Variants in ABTB3 observed in about 807,000 individuals in gnomAD.
The protein encoded by ABTB3 is ankyrin repeat and BTB domain containing 3.
At chr12:107,338,440 T>C in the ABTB3 span, among the ~76,000 whole-genome samples, 1 of 152,190 alleles carries the variant, frequency 6.6e-6, no homozygotes, top group African/African-American at 2.4e-5. Context: ...GGGTGAAGTA[T>C]CTTGCCCTAT....
chr12:107,626,431 C>T, the ABTB3 span, among the ~76,000 whole-genome samples: 6 of 150,494 alleles, frequency 4.0e-5, no homozygotes, highest in African/African-American at 1.5e-4. Flanking sequence ...CTGCAAGCTC[C>T]ACCTCCCAGG....
the ABTB3 span, chr12:107,486,763 ATGT>A: frequency 6.6e-6 from 1 of 150,814 alleles, no homozygotes; most frequent in Admixed American, 6.6e-5. Flanking sequence ...AAAATCACTG[ATGT>A]TCATAGAATA....
chr12:107,646,091 G>C, the ABTB3 span, among the ~76,000 whole-genome samples: 3 of 152,266 alleles, frequency 2.0e-5, no homozygotes, highest in African/African-American at 7.2e-5. Flanking sequence ...CGCCGGCAAG[G>C]GCCGGACGCA....
chr12:107,656,140 A>C, the ABTB3 span, among the ~76,000 whole-genome samples: 1 of 121,634 alleles, frequency 8.2e-6, no homozygotes, highest in Admixed American at 7.6e-5. Flanking sequence ...AAAATACAAA[A>C]AAAAAAAAAA....
the ABTB3 span, among the ~76,000 whole-genome samples, chr12:107,523,385 T>C: frequency 7.9e-5 from 12 of 152,196 alleles, no homozygotes; most frequent in Non-Finnish European, 1.6e-4. Flanking sequence ...AGTCCTGGGA[T>C]TCTTCTGAAA....
At chr12:107,580,919 A>C in the ABTB3 span, 1 of 1,551,454 alleles carries the variant, frequency 6.4e-7, no homozygotes, top group Non-Finnish European at 8.7e-7. Flanking sequence ...GAGGAAACTG[A>C]GGCCCAAGGA....
chr12:107,465,964 G>A, the ABTB3 span, among the ~76,000 whole-genome samples: 7 of 152,120 alleles, frequency 4.6e-5, no homozygotes, highest in African/African-American at 1.7e-4. Flanking sequence ...GCCCTACTAT[G>A]CATCCAGCAT....
the ABTB3 span, among the ~76,000 whole-genome samples, chr12:107,516,059 A>G: frequency 2.7e-5 from 4 of 146,912 alleles, no homozygotes; most frequent in Admixed American, 6.7e-5. Context: ...GTGTGTGCGC[A>G]CACACACACC....
At chr12:107,636,683 G>A in the ABTB3 span, among the ~76,000 whole-genome samples, 1 of 152,204 alleles carries the variant, frequency 6.6e-6, no homozygotes, top group African/African-American at 2.4e-5. Context: ...AAACTGGGAT[G>A]TGCCCAAGTC....
the ABTB3 span, among the ~76,000 whole-genome samples, chr12:107,614,249 G>A: frequency 1.3e-5 from 2 of 152,150 alleles, no homozygotes; most frequent in Admixed American, 1.3e-4. Flanking sequence ...TTGGCCTGGA[G>A]TGTTTTTAGG....
chr12:107,369,565 T>G, the ABTB3 span, among the ~76,000 whole-genome samples: 1 of 151,518 alleles, frequency 6.6e-6, no homozygotes, highest in Non-Finnish European at 1.5e-5. Flanking sequence ...ACCCAGCTAA[T>G]TTTTTGTATT....
chr12:107,568,048 A>T, the ABTB3 span, among the ~76,000 whole-genome samples: 1 of 152,334 alleles, frequency 6.6e-6, no homozygotes. Flanking sequence ...TCTAGGTGAC[A>T]TGTGACTATA....
the ABTB3 span, among the ~76,000 whole-genome samples, chr12:107,454,442 G>A: frequency 6.6e-6 from 1 of 152,204 alleles, no homozygotes; most frequent in Non-Finnish European, 1.5e-5. Context: ...AAGGGTTAGG[G>A]GGGTTCATCC....
chr12:107,358,260 C>T, the ABTB3 span, among the ~76,000 whole-genome samples: 1 of 152,118 alleles, frequency 6.6e-6, no homozygotes, highest in African/African-American at 2.4e-5. Context: ...CATTGGGAGA[C>T]TGTGATTTTT....
At chr12:107,462,964 ATAG>A in the ABTB3 span, among the ~76,000 whole-genome samples, 3 of 150,466 alleles carry the variant, frequency 2.0e-5, no homozygotes, top group Non-Finnish European at 4.4e-5. Flanking sequence ...AGTGATGATA[ATAG>A]TGGTGATAGT....
chr12:107,386,352 C>G, the ABTB3 span, among the ~76,000 whole-genome samples: 7 of 152,344 alleles, frequency 4.6e-5, no homozygotes, highest in East Asian at 1.4e-3. Flanking sequence ...TCCTTACATG[C>G]CTCAGTGAGG....
At chr12:107,492,192 C>CTT in the ABTB3 span, among the ~76,000 whole-genome samples, 1 of 152,158 alleles carries the variant, frequency 6.6e-6, no homozygotes, top group Non-Finnish European at 1.5e-5. Context: ...TGGATGAGAA[C>CTT]TTAGATATCT....
the ABTB3 span, among the ~76,000 whole-genome samples, chr12:107,608,705 A>G: frequency 6.6e-6 from 1 of 151,824 alleles, no homozygotes; most frequent in East Asian, 1.9e-4. Flanking sequence ...CCCTGTCTTT[A>G]CAAAAATTTT....
the ABTB3 span, among the ~76,000 whole-genome samples, chr12:107,631,557 A>G: frequency 6.6e-6 from 1 of 152,150 alleles, no homozygotes; most frequent in African/African-American, 2.4e-5. Context: ...CTGGTGTCTT[A>G]TTCTGCTCCT....
Sources: gnomAD v4.1 joint callset for allele counts (sites outside exome capture counted in the v4.1 genomes callset) on GRCh38, gnomAD v4.1.1 for gene constraint, MANE v1.5 for transcripts, NCBI Gene and HGNC (gene_info 2026-07-23, HGNC 2026-07-21) for gene names.